The following MGAT4C variants were observed in gnomAD, a reference collection of about 807,000 sequenced individuals.
The protein encoded by MGAT4C is MGAT4 family member C.
A neutral mutation model predicts 40.1 loss-of-function variants in MGAT4C; 19 were observed. That is an observed-to-expected ratio of 0.47 (90% CI 0.33 to 0.70). The LOEUF (loss-of-function observed/expected upper bound fraction) is 0.70, where lower values mean the gene tolerates loss of function less well. Among genes scored for constraint, MGAT4C ranks in the 30% least tolerant of loss-of-function variants. The pLI is 0.02. For synonymous variants in MGAT4C, 181 were observed against 187.1 expected (o/e 0.97, Z 0.27); for missense variants, 491 against 563.2 (o/e 0.87, Z 1.30).
intron 2 of MGAT4C, among the ~76,000 whole-genome samples, chr12:86,532,020 TC>T (rs1958994805): frequency 6.6e-6 from 1 of 151,974 alleles, no homozygotes; most frequent in African/African-American, 2.4e-5. Context: ...TACTCAAACT[TC>T]TATTTTAAAA....
chr12:86,123,874 T>G (rs1394687259), intron 1 of MGAT4C, among the ~76,000 whole-genome samples: 1 of 152,102 alleles, frequency 6.6e-6, no homozygotes, highest in Non-Finnish European at 1.5e-5. Context: ...ATTATGAAAT[T>G]ACTAGAAAGT....
intron 2 of MGAT4C, among the ~76,000 whole-genome samples, chr12:86,639,932 G>A (rs1963331372): frequency 1.3e-5 from 2 of 151,482 alleles, no homozygotes; most frequent in Admixed American, 6.6e-5. Flanking sequence ...GCTAGTAACA[G>A]GCCCAATCAG....
chr12:86,323,374 T>G (rs1479370809), intron 4 of MGAT4C, among the ~76,000 whole-genome samples: 3 of 151,680 alleles, frequency 2.0e-5, no homozygotes, highest in Non-Finnish European at 4.4e-5. Flanking sequence ...TATCAGTGGT[T>G]AATTTGGTAA....
chr12:86,628,687 A>C (rs1382095740), intron 2 of MGAT4C, among the ~76,000 whole-genome samples: 1 of 152,176 alleles, frequency 6.6e-6, no homozygotes, highest in Non-Finnish European at 1.5e-5. Flanking sequence ...TTTACAGACA[A>C]GCAAATGCTG....
At chr12:86,218,311 G>C (rs1950748781) in intron 1 of MGAT4C, among the ~76,000 whole-genome samples, 2 of 152,034 alleles carry the variant, frequency 1.3e-5, no homozygotes, top group South Asian at 4.1e-4. Context: ...ACAGTGACCT[G>C]TAATACTATT....
At chr12:86,239,284 G>A (rs1441206737) in intron 1 of MGAT4C, among the ~76,000 whole-genome samples, 2 of 151,984 alleles carry the variant, frequency 1.3e-5, no homozygotes, top group Non-Finnish European at 1.5e-5. Flanking sequence ...TTTTATTTAG[G>A]AAAGCTCGTG....
At chr12:86,601,505 T>C (rs1961778734) in intron 2 of MGAT4C, among the ~76,000 whole-genome samples, 1 of 152,062 alleles carries the variant, frequency 6.6e-6, no homozygotes, top group South Asian at 2.1e-4. Context: ...CGGTCTCATC[T>C]CCTTTGAGAG....
rs1000285422 is a variant in MGAT4C, at chr12:85,968,072, G to C, written c.*11217C>G. 6.6e-6 allele frequency: 1 copy of C among 151,728 alleles called. No individual in the cohort carries two copies. Among genetic ancestry groups the C allele is most frequent in the African/African-American group, 2.4e-5 (1 of 41,348 alleles). The allele number at this position is 151,728 out of a possible 1,614,324, so 9.4% of individuals were successfully genotyped here. On this transcript the variant is annotated 3_prime_UTR_variant, in exon 5 of 5. Coordinates refer to ENST00000611864, the MANE Select transcript of MGAT4C (RefSeq NM_001351288.2). ...CAAATTTTTAAAGTACCCAGTTCTTGGAAAAAGAAAAACAAATAAATTGGA... is the reference window on the plus strand; with the variant it reads ...CAAATTTTTAAAGTACCCAGTTCTTCGAAAAAGAAAAACAAATAAATTGGA...
intron 1 of MGAT4C, among the ~76,000 whole-genome samples, chr12:86,194,631 T>TG (rs554280957): frequency 2.0e-4 from 30 of 151,988 alleles, no homozygotes; most frequent in African/African-American, 7.0e-4. Context: ...ATTTTTTTTT[T>TG]TTTTGTATTT....
intron 1 of MGAT4C, among the ~76,000 whole-genome samples, chr12:86,148,368 T>G (rs1883833759): frequency 6.6e-6 from 1 of 152,230 alleles, no homozygotes; most frequent in African/African-American, 2.4e-5. Context: ...GTGCTTATCA[T>G]AATTTCTTGA....
In MGAT4C at chr12:86,423,555, T is replaced by C. The variant is rs558731062; in HGVS notation, c.-120+11602A>G. Among the ~76,000 whole-genome samples the C allele has an allele frequency of 8.0e-4, 122 of 152,248 alleles. 1 individual carries two copies. Among genetic ancestry groups the C allele is most frequent in the Middle Eastern group, 3.4e-3 (1 of 294 alleles). ...CAAATGTATGCATGTATAGCACATG[T>C]ACATGTATAAATGTATGTGTGTGTA... On this transcript the variant is annotated intron_variant, in intron 3 of 7. Coordinates refer to the MGAT4C transcript ENST00000548651.
At chr12:86,045,091 C>G (rs114610940) in intron 2 of MGAT4C, among the ~76,000 whole-genome samples, 1 of 152,118 alleles carries the variant, frequency 6.6e-6, no homozygotes, top group Non-Finnish European at 1.5e-5. Flanking sequence ...TGTCCTCCTT[C>G]TGTCCACCCT....
At chr12:86,566,498 A>C (rs1960107642) in intron 2 of MGAT4C, among the ~76,000 whole-genome samples, 1 of 130,446 alleles carries the variant, frequency 7.7e-6, no homozygotes, top group Admixed American at 8.6e-5. Flanking sequence ...GGACTTTGTG[A>C]TCATGTGAGT....
intron 2 of MGAT4C, among the ~76,000 whole-genome samples, chr12:85,995,720 T>G (rs576769899): frequency 6.6e-6 from 1 of 152,078 alleles, no homozygotes; most frequent in South Asian, 2.1e-4. Flanking sequence ...ATAAGAAAAC[T>G]AGCCTCGTGT....
chr12:86,231,350 G>C (rs1951315915), intron 1 of MGAT4C, among the ~76,000 whole-genome samples: 1 of 152,104 alleles, frequency 6.6e-6, no homozygotes, highest in Admixed American at 6.6e-5. Context: ...TATACTTGGG[G>C]TAGAGCAAAA....
At chr12:86,430,268 T>C (rs1332299287) in intron 3 of MGAT4C, among the ~76,000 whole-genome samples, 2 of 152,324 alleles carry the variant, frequency 1.3e-5, no homozygotes, top group Non-Finnish European at 2.9e-5. Context: ...TCCATTTCTT[T>C]AGGGTTCATT....
chr12:86,276,077 C>T (rs1401715822), intron 4 of MGAT4C, among the ~76,000 whole-genome samples: 1 of 149,580 alleles, frequency 6.7e-6, no homozygotes, highest in African/African-American at 2.5e-5. Context: ...GAGATTGCGC[C>T]GCTGCACTCC....
chr12:86,231,525 C>A (rs1951323857), intron 1 of MGAT4C, among the ~76,000 whole-genome samples: 1 of 152,118 alleles, frequency 6.6e-6, no homozygotes, highest in South Asian at 2.1e-4. Flanking sequence ...GTATGTACAA[C>A]AATCATCACA....
intron 2 of MGAT4C, among the ~76,000 whole-genome samples, chr12:86,589,673 G>A (rs528541041): frequency 3.2e-4 from 49 of 152,060 alleles, no homozygotes; most frequent in African/African-American, 1.1e-3. Flanking sequence ...CTGGCAAACC[G>A]AATCCAGCAG....
Sources: gnomAD v4.1 joint callset for allele counts (sites outside exome capture counted in the v4.1 genomes callset) on GRCh38, gnomAD v4.1.1 for gene constraint, MANE v1.5 for transcripts, NCBI Gene and HGNC (gene_info 2026-07-23, HGNC 2026-07-21) for gene names.